UGT1A4: variants seen among roughly 807,000 people sequenced by gnomAD.
UGT1A4 encodes UDP-glucuronosyltransferase 1A4.
In UGT1A4, 32 loss-of-function variants were observed where a neutral mutation model predicts 41.1. The observed-to-expected ratio is 0.78, with a 90% CI of 0.59 to 1.05. The LOEUF is 1.05. UGT1A4 is among the 50% of genes least tolerant of loss of function. The pLI is 0.00. For missense variants in UGT1A4, 748 were observed against 677.4 expected (o/e 1.10, Z -1.16); for synonymous variants, 283 against 265.1 (o/e 1.07, Z -0.66).
intron 1 of UGT1A4, among the ~76,000 whole-genome samples, chr2:233,751,532 C>T (rs1375355946): frequency 6.6e-6 from 1 of 152,214 alleles, no homozygotes; most frequent in Non-Finnish European, 1.5e-5. Context: ...TATGGTTTGA[C>T]TCTGTGTTTC....
At chr2:233,724,935 G>A (rs1212268731) in intron 1 of UGT1A4, among the ~76,000 whole-genome samples, 1 of 143,666 alleles carries the variant, frequency 7.0e-6, no homozygotes, top group South Asian at 2.5e-4. Flanking sequence ...ACGAGACTCC[G>A]TCTGCAATCC....
rs1190713460 is a variant in UGT1A4 at position 233,755,086 on chromosome 2, G to T, written c.868-11948G>T. ...TCGCCATAGCGGTCATAGATATCGC[G>T]TTTCTACGCGTCCGACAACACCTCG... On this transcript the variant is annotated intron_variant, in intron 1 of 4. Coordinates refer to ENST00000373409, the MANE Select transcript of UGT1A4 (RefSeq NM_007120.3). The T allele has an allele frequency of 7.5e-6, 10 of 1,335,354 alleles. No homozygotes were observed. In the African/African-American group the frequency reaches 1.5e-4, roughly 20 times the overall value. 82.7% of individuals were successfully genotyped at this position (1,335,354 alleles called of 1,614,324 possible). A position where few individuals can be genotyped will look rare whatever the true frequency, so the allele number is the denominator to read the frequency against.
chr2:233,760,272 C>A (rs2125981625), intron 1 of UGT1A4: 1 of 1,612,378 alleles, frequency 6.2e-7, no homozygotes, highest in Non-Finnish European at 8.5e-7. Context: ...GAACCTCTGG[C>A]AGGAGCAAAG....
At chr2:233,743,943 G>A in intron 1 of UGT1A4, 2 of 1,352,238 alleles carry the variant, frequency 1.5e-6, no homozygotes, top group Non-Finnish European at 9.9e-7. Flanking sequence ...GGCCCACCAG[G>A]CACTGGCACA....
Position 233,772,257 on chromosome 2 carries a change from T to C in UGT1A4, c.1308-5T>C. ...CAGGCATAACGAAACTGTCTTTGTGTTTAGTTACAAGGAGAACATCATGCG... is the reference window on the plus strand; with the variant it reads ...CAGGCATAACGAAACTGTCTTTGTGCTTAGTTACAAGGAGAACATCATGCG... On this transcript the variant is annotated splice_polypyrimidine_tract_variant and splice_region_variant and intron_variant, in intron 4 of 4. Transcript: ENST00000373409. 2 of 1,614,220 alleles carry C rather than the reference T, an allele frequency of 1.2e-6. No individual in the cohort carries two copies. Among genetic ancestry groups the C allele is most frequent in the Non-Finnish European group, 1.7e-6 (2 of 1,180,042 alleles).
intron 1 of UGT1A4, among the ~76,000 whole-genome samples, chr2:233,727,743 C>T (rs576433426): frequency 2.0e-5 from 3 of 152,300 alleles, no homozygotes; most frequent in Non-Finnish European, 2.9e-5. Flanking sequence ...TGCCATCCTG[C>T]GTGTGCTGCC....
At position 233,772,362 on chromosome 2, in the gene UGT1A4, A is replaced by C. The variant is rs1400939614; in HGVS notation, c.1408A>C (p.Lys470Gln). 6.2e-7 allele frequency: 1 copy of C among 1,614,242 alleles called. No individual in the cohort carries two copies. The highest frequency in any genetic ancestry group is 2.2e-5 in the East Asian group (1 of 44,878). Reference sequence around the variant, plus strand: ...CTGGGTGGAGTTTGTGATGAGGCACAAGGGCGCGCCACACCTGCGCCCCGC... The same window carrying C: ...CTGGGTGGAGTTTGTGATGAGGCACCAGGGCGCGCCACACCTGCGCCCCGC... ...VFWVEFVMRH[K>Q]GAPHLRPAAH... The change falls in exon 5 of 5, where the codon AAG (lysine) becomes CAG (glutamine). Residue 470 changes from lysine to glutamine, a missense_variant. Physicochemically the swap from Lys to Gln is moderately conservative, Grantham distance 53. Coordinates refer to ENST00000373409, the MANE Select transcript of UGT1A4 (RefSeq NM_007120.3).
At position 233,772,691 on chromosome 2, in the gene UGT1A4, T is replaced by G. The variant is rs1314986383; in HGVS notation, c.*132T>G. ...TTGCATAAATTAATCAGCCCCAGAG[T>G]GCTTTAAAAAATTCTCTTAAATAAA... On this transcript the variant is annotated 3_prime_UTR_variant, in exon 5 of 5. Transcript: ENST00000373409. 1 of 1,488,486 alleles carries G rather than the reference T, an allele frequency of 6.7e-7. No individual in the cohort carries two copies. Among genetic ancestry groups the G allele is most frequent in the African/African-American group, 1.4e-5 (1 of 70,486 alleles). The allele number at this position is 1,488,486 out of a possible 1,614,324, so 92.2% of individuals were successfully genotyped here. A position where few individuals can be genotyped will look rare whatever the true frequency, so the allele number is the denominator to read the frequency against.
At chr2:233,747,348 G>A (rs1230445654) in intron 1 of UGT1A4, 17 of 1,603,310 alleles carry the variant, frequency 1.1e-5, no homozygotes, top group African/African-American at 4.0e-5. Context: ...TCGCATGCGG[G>A]AGGCCGTGCG....
At position 233,718,931 on chromosome 2, in the gene UGT1A4, T is replaced by C. The variant is rs1174557586; in HGVS notation, c.111T>C (p.Asp37=). ...ESGKVLVVPT[D]GSPWLSMREA... ...GAAAGGTGTTGGTGGTGCCCACTGA[T>C]GGCAGCCCCTGGCTCAGCATGCGGG... The change falls in exon 1 of 5, where the codon GAT becomes GAC. Residue 37 remains aspartate (D), a synonymous_variant. Coordinates refer to ENST00000373409, the MANE Select transcript of UGT1A4 (RefSeq NM_007120.3). The C allele has an allele frequency of 1.9e-6, 3 of 1,614,130 alleles. No homozygotes were observed. The highest frequency in any genetic ancestry group is 1.7e-5 in the Admixed American group (1 of 60,026).
Position 233,773,101 on chromosome 2 carries a change from T to A in UGT1A4, c.*542T>A, listed in dbSNP as rs1321886255. On this transcript the variant is annotated 3_prime_UTR_variant, in exon 5 of 5. Coordinates refer to ENST00000373409, the MANE Select transcript of UGT1A4 (RefSeq NM_007120.3). ...GGCTTGGAGTGCACTGAGAACAGCA[T>A]ATGATTTCTTGCTTTGGGGAAAAAG... is the stretch of plus-strand genomic sequence containing the variant. The A allele has an allele frequency of 6.4e-6, 1 of 156,412 alleles. No homozygotes were observed. The highest frequency in any genetic ancestry group is 2.4e-5 in the African/African-American group (1 of 41,460). The allele number at this position is 156,412 out of a possible 1,614,324, so 9.7% of individuals were successfully genotyped here.
intron 1 of UGT1A4, among the ~76,000 whole-genome samples, chr2:233,739,884 T>C (rs1299319141): frequency 6.6e-6 from 1 of 151,956 alleles, no homozygotes; most frequent in Non-Finnish European, 1.5e-5. Context: ...ACTGTGTGTT[T>C]CCACCCAAAT....
At chr2:233,768,587 T>C (rs977103062) in intron 4 of UGT1A4, 148 bp downstream of exon 4, 429 of 888,300 alleles carry the variant, frequency 4.8e-4, no homozygotes, top group East Asian at 4.8e-3. Context: ...TTCTTCTTTT[T>C]TTTTTTTTTT....
chr2:233,747,881 T>C, intron 1 of UGT1A4: 1 of 1,613,550 alleles, frequency 6.2e-7, no homozygotes, highest in Non-Finnish European at 8.5e-7. Context: ...TGTCCTACCT[T>C]TGCCATGCTC....
intron 1 of UGT1A4, among the ~76,000 whole-genome samples, chr2:233,759,599 A>ACCCCCCCCCCCCC (rs1553620419): frequency 1.6e-4 from 17 of 108,720 alleles, no homozygotes; most frequent in African/African-American, 3.6e-4. Context: ...CCCACCCCCG[A>ACCCCCCCCCCCCC]CCCGCCCCAC....
rs767800703 is a variant in UGT1A4 at position 233,760,482 on chromosome 2, G to A, written c.868-6552G>A. 9.3e-6 allele frequency: 15 copies of A among 1,614,120 alleles called. No homozygotes were observed. The highest frequency in any genetic ancestry group is 4.0e-5 in the African/African-American group (3 of 74,938). ...TAGTTGTCCTAGCACCTGACGCCTC[G>A]TTGTACATCAGAGACGGAGCATTTT... is the stretch of plus-strand genomic sequence containing the variant. On this transcript the variant is annotated intron_variant, in intron 1 of 4. Transcript: ENST00000373409.
In UGT1A4 at chr2:233,718,949, C is replaced by T; in HGVS notation, c.129C>T (p.Ser43=). 3 of 1,614,166 alleles carry T rather than the reference C, an allele frequency of 1.9e-6. No homozygotes were observed. Among genetic ancestry groups the T allele is most frequent in the Non-Finnish European group, 2.5e-6 (3 of 1,180,014 alleles). Residue 43 remains serine (S), a synonymous_variant, in exon 1 of 5, where the codon AGC becomes AGT. Transcript: ENST00000373409. ...VVPTDGSPWL[S]MREALRELHA... ...CCACTGATGGCAGCCCCTGGCTCAGCATGCGGGAGGCCTTGCGGGAGCTCC... is the reference window on the plus strand; with the variant it reads ...CCACTGATGGCAGCCCCTGGCTCAGTATGCGGGAGGCCTTGCGGGAGCTCC...
chr2:233,755,562 G>A (rs185113714), intron 1 of UGT1A4: 366 of 159,838 alleles, frequency 2.3e-3, no homozygotes, highest in Non-Finnish European at 4.3e-3. Flanking sequence ...GGGAAAAAGA[G>A]GTTGGGGAAA....
At chr2:233,758,825 CA>C (rs1386415381) in intron 1 of UGT1A4, among the ~76,000 whole-genome samples, 2 of 152,114 alleles carry the variant, frequency 1.3e-5, no homozygotes, top group Non-Finnish European at 2.9e-5. Flanking sequence ...ATATCCCCCC[CA>C]AAAAGAGTGT....
Sources: gnomAD v4.1 joint callset for allele counts (sites outside exome capture counted in the v4.1 genomes callset) on GRCh38, gnomAD v4.1.1 for gene constraint, MANE v1.5 for transcripts, NCBI Gene and HGNC (gene_info 2026-07-23, HGNC 2026-07-21) for gene names.